ST6GALNAC3: variants seen among roughly 807,000 people sequenced by gnomAD.
ST6GALNAC3 encodes the protein alpha-N-acetylgalactosaminide alpha-2,6-sialyltransferase 3.
In ST6GALNAC3, 25 loss-of-function variants were observed where a neutral mutation model predicts 32.7. The observed-to-expected ratio is 0.76, with a 90% confidence interval of 0.56 to 1.07. The LOEUF is 1.07. Among genes scored for constraint, ST6GALNAC3 ranks in the 50% least tolerant of loss-of-function variants. The pLI, the probability that ST6GALNAC3 is intolerant of heterozygous loss-of-function variation, is 0.00. For synonymous variants in ST6GALNAC3, 129 were observed against 133.1 expected, an observed-to-expected ratio of 0.97 and a Z score of 0.21; for missense variants, 355 against 382.4, an observed-to-expected ratio of 0.93 and a Z score of 0.60.
rs1207010228 is a variant in ST6GALNAC3, at chr1:76,525,809, A to G, written c.624-101643A>G. ...TGTGTGTGTATATATATATATATAT[A>G]TATATATATATATATATATGACCGT... is the stretch of plus-strand genomic sequence containing the variant. On this transcript the variant is annotated intron_variant, in intron 3 of 4. Coordinates refer to ENST00000328299, the MANE Select transcript of ST6GALNAC3 (RefSeq NM_152996.4). 1.8e-4 allele frequency among the ~76,000 whole-genome samples: 24 copies of G among 131,704 alleles called. 1 individual carries two copies. Among genetic ancestry groups the G allele is most frequent in the East Asian group, 5.3e-4 (2 of 3,752 alleles). 86.4% of individuals were successfully genotyped at this position (131,704 alleles called of 152,430 possible).
At chr1:76,264,659 C>A (rs1406640514) in intron 1 of ST6GALNAC3, among the ~76,000 whole-genome samples, 1 of 152,118 alleles carries the variant, frequency 6.6e-6, no homozygotes, top group Non-Finnish European at 1.5e-5. Context: ...AGAATGCAAA[C>A]CTAAACCTGG....
chr1:76,591,315 G>T (rs1249077148), intron 3 of ST6GALNAC3, among the ~76,000 whole-genome samples: 1 of 152,092 alleles, frequency 6.6e-6, no homozygotes, highest in African/African-American at 2.4e-5. Flanking sequence ...ACCACTGTTA[G>T]CCTCCCTTCC....
intron 2 of ST6GALNAC3, among the ~76,000 whole-genome samples, chr1:76,355,916 A>T (rs1167381984): frequency 2.6e-5 from 4 of 152,176 alleles, no homozygotes; most frequent in Non-Finnish European, 5.9e-5. Context: ...TGTTGGCTTA[A>T]AAAAGGCTAT....
chr1:76,220,862 T>C (rs773371956), intron 1 of ST6GALNAC3, among the ~76,000 whole-genome samples: 1 of 152,206 alleles, frequency 6.6e-6, no homozygotes, highest in African/African-American at 2.4e-5. Flanking sequence ...ACATTTGCAC[T>C]TTCAAAAAAC....
At chr1:76,610,237 G>A (rs1039976228) in intron 3 of ST6GALNAC3, among the ~76,000 whole-genome samples, 2 of 152,186 alleles carry the variant, frequency 1.3e-5, no homozygotes, top group Non-Finnish European at 2.9e-5. Flanking sequence ...CTGGTTGTCA[G>A]TGAGCTTGTA....
At chr1:76,455,184 A>G (rs552672161) in intron 3 of ST6GALNAC3, among the ~76,000 whole-genome samples, 2 of 152,064 alleles carry the variant, frequency 1.3e-5, no homozygotes, top group South Asian at 4.2e-4. Flanking sequence ...TGGCTACAAT[A>G]TCTTTTATTA....
At position 76,342,449 on chromosome 1, in the gene ST6GALNAC3, CT is replaced by C. The variant is rs563324278; in HGVS notation, c.213+28452del. 6.1e-3 allele frequency among the ~76,000 whole-genome samples: 924 copies of C among 152,138 alleles called. 4 individuals carry two copies. The highest frequency in any genetic ancestry group is 0.021 in the African/African-American group (877 of 41,520). ...CATTGTGGTTTTGATTTGCATTTCTCTTAATGACCAGTGATCATGAGCTTTT... is the reference window on the plus strand; with the variant it reads ...CATTGTGGTTTTGATTTGCATTTCTCTAATGACCAGTGATCATGAGCTTTT... On this transcript the variant is annotated intron_variant, in intron 2 of 4. Coordinates refer to ENST00000328299, the MANE Select transcript of ST6GALNAC3 (RefSeq NM_152996.4).
chr1:76,499,358 A>C (rs1200471462), intron 3 of ST6GALNAC3, among the ~76,000 whole-genome samples: 1 of 152,216 alleles, frequency 6.6e-6, no homozygotes, highest in Non-Finnish European at 1.5e-5. Context: ...GCAGAAATAA[A>C]GTATTCCTGG....
chr1:76,134,061 C>A (rs1356368460), intron 1 of ST6GALNAC3, among the ~76,000 whole-genome samples: 2 of 152,148 alleles, frequency 1.3e-5, no homozygotes, highest in African/African-American at 4.8e-5. Flanking sequence ...ATACCCAGAA[C>A]AGAGAAATAT....
chr1:76,526,482 C>A (rs1662917963), intron 3 of ST6GALNAC3, among the ~76,000 whole-genome samples: 1 of 151,760 alleles, frequency 6.6e-6, no homozygotes, highest in African/African-American at 2.4e-5. Context: ...GGCCTTCACA[C>A]TAATGAGTCA....
intron 3 of ST6GALNAC3, among the ~76,000 whole-genome samples, chr1:76,441,088 CAAAAAAAAAAA>C (rs397980569): frequency 1.1e-5 from 1 of 90,266 alleles, no homozygotes; most frequent in Non-Finnish European, 2.3e-5. Flanking sequence ...ACTATGTCTC[CAAAAAAAAAAA>C]AAAAAAAAAT....
At chr1:76,189,153 C>A (rs1653749411) in intron 1 of ST6GALNAC3, among the ~76,000 whole-genome samples, 1 of 152,218 alleles carries the variant, frequency 6.6e-6, no homozygotes, top group African/African-American at 2.4e-5. Context: ...GGAAAGGGAG[C>A]TTCCTTAAGG....
intron 1 of ST6GALNAC3, among the ~76,000 whole-genome samples, chr1:76,103,584 A>G (rs894594761): frequency 1.3e-5 from 2 of 152,194 alleles, no homozygotes; most frequent in Non-Finnish European, 2.9e-5. Context: ...GCAAATTACT[A>G]GAGACTGGGT....
chr1:76,610,732 C>T (rs1238205177), intron 3 of ST6GALNAC3, among the ~76,000 whole-genome samples: 1 of 152,030 alleles, frequency 6.6e-6, no homozygotes, highest in African/African-American at 2.4e-5. Flanking sequence ...CAGTTCCTCC[C>T]CAAGTCACAG....
intron 2 of ST6GALNAC3, among the ~76,000 whole-genome samples, chr1:76,352,800 T>C (rs563566573): frequency 4.7e-4 from 72 of 152,260 alleles, no homozygotes; most frequent in Middle Eastern, 3.4e-3. Context: ...TCCTCGTTCC[T>C]ATAAATGGTA....
intron 2 of ST6GALNAC3, among the ~76,000 whole-genome samples, chr1:76,391,047 C>A (rs1652502864): frequency 6.6e-6 from 1 of 151,186 alleles, no homozygotes; most frequent in South Asian, 2.1e-4. Flanking sequence ...TCACGCCATT[C>A]TCCTGCCTCA....
intron 1 of ST6GALNAC3, among the ~76,000 whole-genome samples, chr1:76,245,959 T>G (rs1657234878): frequency 6.6e-6 from 1 of 152,084 alleles, no homozygotes. Context: ...TCCTGAATAT[T>G]GTTATTAATT....
chr1:76,610,494 A>C (rs1647853075), intron 3 of ST6GALNAC3, among the ~76,000 whole-genome samples: 1 of 152,152 alleles, frequency 6.6e-6, no homozygotes, highest in African/African-American at 2.4e-5. Flanking sequence ...AAACTTCTCC[A>C]TGAGTATGTT....
intron 1 of ST6GALNAC3, among the ~76,000 whole-genome samples, chr1:76,101,728 T>C (rs1208314577): frequency 6.6e-6 from 1 of 152,214 alleles, no homozygotes; most frequent in Non-Finnish European, 1.5e-5. Flanking sequence ...TTTGCTGTTT[T>C]AGATGAAATC....
Sources: gnomAD v4.1 joint callset for allele counts (sites outside exome capture counted in the v4.1 genomes callset) on GRCh38, gnomAD v4.1.1 for gene constraint, MANE v1.5 for transcripts, NCBI Gene and HGNC (gene_info 2026-07-23, HGNC 2026-07-21) for gene names.